HEATR5A: variants seen among roughly 807,000 people sequenced by gnomAD.
HEATR5A encodes the protein HEAT repeat-containing protein 5A.
Under a neutral mutation model 218.8 loss-of-function variants are expected in HEATR5A, and 178 were observed. The observed-to-expected ratio is 0.81, with a 90% confidence interval of 0.72 to 0.92. The LOEUF (loss-of-function observed/expected upper bound fraction) is 0.92, where lower values mean the gene tolerates loss of function less well. HEATR5A is among the 40% of genes least tolerant of loss of function. The pLI is 0.00. For synonymous variants in HEATR5A, 864 were observed against 871.6 expected (o/e 0.99, Z 0.15); for missense variants, 2,420 against 2,418.9 (o/e 1.00, Z -0.01).
chr14:31,306,431 C>T (rs935526704), intron 31 of HEATR5A, among the ~76,000 whole-genome samples: 8 of 152,054 alleles, frequency 5.3e-5, no homozygotes, highest in Admixed American at 2.6e-4. Flanking sequence ...TGCAGTGAGG[C>T]GAGATCGTGC....
At chr14:31,319,902 C>T (rs189053991) in intron 25 of HEATR5A, among the ~76,000 whole-genome samples, 52 of 152,028 alleles carry the variant, frequency 3.4e-4, no homozygotes, top group African/African-American at 1.1e-3. Context: ...AAAAATTAGC[C>T]GAGCGTGGTG....
At chr14:31,367,569 A>ATTTTTTTTT (rs567217496) in intron 13 of HEATR5A, among the ~76,000 whole-genome samples, 1 of 60,296 alleles carries the variant, frequency 1.7e-5, no homozygotes. Context: ...TGCCCAGCTA[A>ATTTTTTTTT]TTTTTTTTTT....
intron 22 of HEATR5A, chr14:31,334,271 T>G: frequency 2.7e-6 from 1 of 376,264 alleles, no homozygotes; most frequent in Non-Finnish European, 5.3e-6. Flanking sequence ...TAACACAATA[T>G]CCATTCGCAG....
intron 1 of HEATR5A, among the ~76,000 whole-genome samples, chr14:31,417,176 C>T (rs1162819345): frequency 6.6e-6 from 1 of 151,944 alleles, no homozygotes; most frequent in Non-Finnish European, 1.5e-5. Context: ...GTTTACTAAA[C>T]GAAAAAAATT....
At position 31,359,584 on chromosome 14, in the gene HEATR5A, G is replaced by A. The variant is rs143707305; in HGVS notation, c.2072-527C>T. Among the ~76,000 whole-genome samples, 1,357 of 151,434 alleles carry A rather than the reference G, an allele frequency of 9.0e-3. 14 individuals are homozygous for A. Among genetic ancestry groups the A allele is most frequent in the African/African-American group, 0.031 (1,279 of 41,322 alleles). ...TTTAGTAAAAACACAAAAATTAGCC[G>A]GGCGTGGTGGCAGGTGCCTGTAACC... On this transcript the variant is annotated intron_variant, in intron 14 of 35. Coordinates refer to ENST00000543095, the MANE Select transcript of HEATR5A (RefSeq NM_015473.4).
chr14:31,321,987 T>C (rs1489178878), intron 24 of HEATR5A, among the ~76,000 whole-genome samples: 1 of 152,150 alleles, frequency 6.6e-6, no homozygotes, highest in African/African-American at 2.4e-5. Flanking sequence ...TAAAAGTACA[T>C]TAGTTGGTAT....
At chr14:31,305,896 T>C (rs1169421340) in intron 31 of HEATR5A, among the ~76,000 whole-genome samples, 1 of 152,178 alleles carries the variant, frequency 6.6e-6, no homozygotes, top group East Asian at 1.9e-4. Context: ...GATGAGCAAA[T>C]AAATCTTTGG....
At chr14:31,325,607 C>T (rs1352055101) in intron 23 of HEATR5A, among the ~76,000 whole-genome samples, 2 of 151,844 alleles carry the variant, frequency 1.3e-5, no homozygotes, top group East Asian at 1.9e-4. Context: ...CTCTCGGGCT[C>T]AAGCAATCCT....
Position 31,307,985 on chromosome 14 carries a change from C to T in HEATR5A, c.4726G>A (p.Asp1576Asn). ...GCAGTTATGCTTTCCATGGTTGCAT[C>T]TGAACGTAAGGAACATAGAAATTCC... is the stretch of plus-strand genomic sequence containing the variant. ...SVEFLCSLRSDATMESITACL... is the reference protein window; with the variant it reads ...SVEFLCSLRSNATMESITACL... Residue 1576 changes from aspartate to asparagine, a missense_variant, in exon 30 of 36, where the codon GAT (aspartate) becomes AAT (asparagine). Transcript: ENST00000543095. 1 of 1,613,546 alleles carries T rather than the reference C, an allele frequency of 6.2e-7. No homozygotes were observed. The highest frequency in any genetic ancestry group is 8.5e-7 in the Non-Finnish European group (1 of 1,179,722).
intron 22 of HEATR5A, among the ~76,000 whole-genome samples, chr14:31,336,200 TTATATATACATACATACATA>T (rs1348681835): frequency 4.5e-5 from 5 of 112,264 alleles, no homozygotes; most frequent in Non-Finnish European, 9.1e-5. Context: ...GGGGTTATTT[TTATATATACATACATACATA>T]TATATATATA....
Position 31,323,567 on chromosome 14 carries a change from C to G in HEATR5A, c.3785G>C (p.Arg1262Thr), listed in dbSNP as rs1187534719. ...LAQEMKKRDS[R>T]NDFLVLHLAD... is the part of the protein sequence containing the mutation. Reference sequence around the variant, plus strand: ...GTTTTCATCACTATGTCACTTACTTCTTGAATCTCTTTTTTTCATTTCTTG... The same window carrying G: ...GTTTTCATCACTATGTCACTTACTTGTTGAATCTCTTTTTTTCATTTCTTG... Residue 1262 changes from arginine (R) to threonine (T), a missense_variant and splice_region_variant, in exon 24 of 36, where the codon AGA (arginine) becomes ACA (threonine). Transcript: ENST00000543095. 5.0e-6 allele frequency: 8 copies of G among 1,591,164 alleles called. No individual in the cohort carries two copies. In the Admixed American group the frequency reaches 1.4e-4, roughly 29 times the overall value.
intron 16 of HEATR5A, among the ~76,000 whole-genome samples, chr14:31,351,557 T>C (rs1220188507): frequency 1.3e-5 from 2 of 150,074 alleles, no homozygotes; most frequent in Admixed American, 6.6e-5. Context: ...AAAAAGGTAA[T>C]GTTAAATGAA....
chr14:31,302,938 C>CAAAA (rs747481722), intron 32 of HEATR5A, among the ~76,000 whole-genome samples: 2 of 102,198 alleles, frequency 2.0e-5, no homozygotes, highest in African/African-American at 4.2e-5. Context: ...TTCATCTTTA[C>CAAAA]AAAAAAAAAA....
At chr14:31,337,712 GC>G (rs1447448230) in intron 21 of HEATR5A, 98 bp from the exon 22 acceptor site, 3 of 971,304 alleles carry the variant, frequency 3.1e-6, no homozygotes, top group African/African-American at 3.3e-5. Flanking sequence ...ATTCTGTCCA[GC>G]CCATCAGTGG....
chr14:31,318,419 C>T (rs1595091357), intron 25 of HEATR5A, 127 bp from the exon 26 acceptor site: 1 of 701,908 alleles, frequency 1.4e-6, no homozygotes, highest in East Asian at 2.7e-5. Context: ...GTTTTGTCTA[C>T]CCAGTGTATC....
intron 25 of HEATR5A, chr14:31,320,168 C>G (rs1382977245): frequency 1.9e-6 from 1 of 531,604 alleles, no homozygotes; most frequent in Admixed American, 2.4e-5. Flanking sequence ...CACCCCAGCA[C>G]CAGGAATGGC....
rs1220797237 is a variant in HEATR5A, at chr14:31,336,209, C to T, written c.3367+1267G>A. On this transcript the variant is annotated intron_variant, in intron 22 of 35. Transcript: ENST00000543095. ...GCGCAGGGGGTTATTTTTATATATACATACATACATATATATATATATATA... is the reference window on the plus strand; with the variant it reads ...GCGCAGGGGGTTATTTTTATATATATATACATACATATATATATATATATA... Among the ~76,000 whole-genome samples the T allele has an allele frequency of 3.8e-3, 220 of 57,572 alleles. 4 individuals carry two copies. The highest frequency in any genetic ancestry group is 0.017 in the African/African-American group (213 of 12,766). The allele number at this position is 57,572 out of a possible 152,430, so 37.8% of individuals were successfully genotyped here.
chr14:31,339,403 T>C (rs1278486950), intron 21 of HEATR5A, among the ~76,000 whole-genome samples: 1 of 131,820 alleles, frequency 7.6e-6, no homozygotes, highest in Non-Finnish European at 1.5e-5. Flanking sequence ...TGAGCTGAGA[T>C]TGCACCACTG....
intron 9 of HEATR5A, among the ~76,000 whole-genome samples, chr14:31,384,382 T>C (rs1285617889): frequency 1.3e-5 from 2 of 151,574 alleles, no homozygotes; most frequent in Admixed American, 6.6e-5. Context: ...TGGCGGGACT[T>C]GCAGTGAGCC....
Sources: allele counts gnomAD v4.1 joint callset (sites outside exome capture counted in the v4.1 genomes callset), GRCh38; gene constraint gnomAD v4.1.1; transcripts MANE v1.5; gene names NCBI Gene and HGNC (gene_info 2026-07-23, HGNC 2026-07-21).